Variants in SMG1 observed in about 807,000 individuals in gnomAD.
SMG1 encodes the protein SMG1 nonsense mediated mRNA decay associated PI3K related kinase.
Under a neutral mutation model 419.9 loss-of-function variants are expected in SMG1, and 22 were observed. The ratio of observed to expected loss-of-function variants is 0.05; its 90% CI spans 0.04 to 0.07. The LOEUF is 0.07. Ranked by LOEUF, SMG1 falls within the 10% of genes least tolerant of loss-of-function variation. SMG1 has a pLI of 1.00. For synonymous variants in SMG1, 1,538 were observed against 1,553.5 expected (o/e 0.99, Z 0.23); for missense variants, 3,185 against 4,342.0 (o/e 0.73, Z 7.49).
intron 6 of SMG1, 95 bp from the exon 7 acceptor site, chr16:18,885,761 G>T: frequency 1.8e-6 from 2 of 1,140,306 alleles, no homozygotes; most frequent in Non-Finnish European, 2.5e-6. Context: ...ATAAAAAACT[G>T]AATATGAGAC....
At chr16:18,892,664 C>T (rs1190312927) in intron 3 of SMG1, among the ~76,000 whole-genome samples, 4 of 152,162 alleles carry the variant, frequency 2.6e-5, no homozygotes, top group African/African-American at 4.8e-5. Flanking sequence ...GCCCGTGAGG[C>T]GGAGGTTGCA....
chr16:18,833,248 A>C (rs965817048), intron 50 of SMG1, 82 bp from the exon 51 acceptor site: 7 of 1,016,306 alleles, frequency 6.9e-6, no homozygotes, highest in Non-Finnish European at 8.7e-6. Flanking sequence ...GCCATACATT[A>C]AGAGCAAACT....
At chr16:18,883,684 C>T (rs1459562592) in intron 9 of SMG1, among the ~76,000 whole-genome samples, 1 of 152,080 alleles carries the variant, frequency 6.6e-6, no homozygotes, top group African/African-American at 2.4e-5. Flanking sequence ...TTTGGGAGGC[C>T]GATGCGGGTG....
rs760035598 is a variant in SMG1 at position 18,817,277 on chromosome 16, C to A, written c.10074+14G>T. 3 of 1,587,082 alleles carry A rather than the reference C, an allele frequency of 1.9e-6. No individual in the cohort carries two copies. Among genetic ancestry groups the A allele is most frequent in the Non-Finnish European group, 2.6e-6 (3 of 1,169,416 alleles). Reference sequence around the variant, plus strand: ...TAGCCTTATTTAATCAAGTTTCTTTCCACCAAGACTCACCACTCTCTGTAA... The same window carrying A: ...TAGCCTTATTTAATCAAGTTTCTTTACACCAAGACTCACCACTCTCTGTAA... On this transcript the variant is annotated intron_variant, in intron 57 of 62. Coordinates refer to ENST00000446231, the MANE Select transcript of SMG1 (RefSeq NM_015092.5).
intron 1 of SMG1, among the ~76,000 whole-genome samples, chr16:18,920,705 G>A (rs536336793): frequency 1.3e-5 from 2 of 151,914 alleles, no homozygotes; most frequent in South Asian, 4.2e-4. Context: ...GCTGGGGGTG[G>A]TGACATGCAC....
At position 18,926,222 on chromosome 16, in the gene SMG1, T is replaced by C. The variant is rs1395271476; in HGVS notation, c.-181A>G. ...GGAGGGCGGGGGAAGAGGACGGCCG[T>C]TCCGGGTTCCGCCTGAGCCCGCAGC... On this transcript the variant is annotated 5_prime_UTR_variant, in exon 1 of 63. Transcript: ENST00000446231. The C allele has an allele frequency of 3.5e-6, 2 of 570,156 alleles. No individual in the cohort carries two copies. Among genetic ancestry groups the C allele is most frequent in the African/African-American group, 2.0e-5 (1 of 49,308 alleles). The allele number at this position is 570,156 out of a possible 1,614,324, so 35.3% of individuals were successfully genotyped here. A position where few individuals can be genotyped will look rare whatever the true frequency, so the allele number is the denominator to read the frequency against.
intron 3 of SMG1, among the ~76,000 whole-genome samples, chr16:18,894,555 C>G (rs73541362): frequency 6.6e-6 from 1 of 151,762 alleles, no homozygotes; most frequent in African/African-American, 2.4e-5. Context: ...AACAGCATAG[C>G]CTTTGAATTC....
Position 18,852,115 on chromosome 16 carries a change from T to C in SMG1, c.5004A>G (p.Arg1668=). Residue 1668 remains arginine (R), a synonymous_variant, in exon 33 of 63, where the codon AGA becomes AGG. Transcript: ENST00000446231. ...PDTITEEEKE[R]IYGILGQAVC... The stretch of plus-strand genomic sequence containing the variant: ...CAGCCTGTCCAAGAATACCATATAT[T>C]CTCTCTTTCTCTTCCTCAGTTATAG... 1.2e-6 allele frequency: 2 copies of C among 1,613,696 alleles called. No homozygotes were observed. The highest frequency in any genetic ancestry group is 1.7e-6 in the Non-Finnish European group (2 of 1,179,830).
At position 18,809,264 on chromosome 16, in the gene SMG1, G is replaced by T. The variant is rs1002103982; in HGVS notation, c.*305C>A. 5 of 322,270 alleles carry T rather than the reference G, an allele frequency of 1.6e-5. No homozygotes were observed. Among genetic ancestry groups the T allele is most frequent in the Non-Finnish European group, 3.0e-5 (5 of 165,352 alleles). 20.0% of individuals were successfully genotyped at this position (322,270 alleles called of 1,614,324 possible). A position where few individuals can be genotyped will look rare whatever the true frequency, so the allele number is the denominator to read the frequency against. On this transcript the variant is annotated 3_prime_UTR_variant, in exon 63 of 63. Transcript: ENST00000446231. ...CTCCGCGGCATCCCGATTTCTTTCC[G>T]CAGCTAACCTCCCGACACGTCTGCT... is the stretch of plus-strand genomic sequence containing the variant.
chr16:18,846,965 G>C (rs2034301884), intron 38 of SMG1, among the ~76,000 whole-genome samples: 1 of 152,196 alleles, frequency 6.6e-6, no homozygotes, highest in African/African-American at 2.4e-5. Context: ...CAGCAGCACT[G>C]TTCACAGAGC....
intron 58 of SMG1, 92 bp from the exon 59 acceptor site, chr16:18,815,743 T>A (rs2031943779): frequency 5.6e-6 from 6 of 1,080,470 alleles, no homozygotes; most frequent in Non-Finnish European, 8.0e-6. Flanking sequence ...AACAAATGTT[T>A]CAAATATGAG....
intron 1 of SMG1, among the ~76,000 whole-genome samples, chr16:18,905,933 G>A (rs2037543492): frequency 6.6e-6 from 1 of 151,860 alleles, no homozygotes; most frequent in African/African-American, 2.4e-5. Flanking sequence ...TCTTTAACCA[G>A]CTTAGATTTC....
chr16:18,885,099 G>C lies in SMG1; in HGVS notation c.1012C>G (p.Gln338Glu). The C allele has an allele frequency of 2.3e-6, 2 of 854,448 alleles. No individual in the cohort carries two copies. The highest frequency in any genetic ancestry group is 2.6e-5 in the East Asian group (1 of 39,194). 52.9% of individuals were successfully genotyped at this position (854,448 alleles called of 1,614,324 possible). A position where few individuals can be genotyped will look rare whatever the true frequency, so the allele number is the denominator to read the frequency against. Residue 338 changes from glutamine (Q) to glutamate (E), a missense_variant, in exon 8 of 63, where the codon CAG (glutamine) becomes GAG (glutamate). Coordinates refer to ENST00000446231, the MANE Select transcript of SMG1 (RefSeq NM_015092.5). ...AGGCTGCAAGACTTACCAGATACCT[G>C]CTGCGTGAGCGAAGGTTTCTGAGTA... ...DHTQKPSLTQ[Q>E]VSGWLQSLEP...
chr16:18,906,079 T>C (rs576426026), intron 1 of SMG1, among the ~76,000 whole-genome samples: 51 of 152,142 alleles, frequency 3.4e-4, no homozygotes, highest in Non-Finnish European at 7.2e-4. Context: ...GGTCCTCCAG[T>C]GTTTACTTCC....
At chr16:18,914,508 C>T (rs2141985081) in intron 1 of SMG1, among the ~76,000 whole-genome samples, 1 of 151,886 alleles carries the variant, frequency 6.6e-6, no homozygotes, top group South Asian at 2.1e-4. Context: ...GACGGTGAAA[C>T]CCCATCTCTA....
chr16:18,923,027 A>C (rs1326757296), intron 1 of SMG1, among the ~76,000 whole-genome samples: 1 of 152,148 alleles, frequency 6.6e-6, no homozygotes, highest in Non-Finnish European at 1.5e-5. Flanking sequence ...GCAGTAAGCC[A>C]AGTATCTGTG....
At chr16:18,887,762 T>TAAAAAAAAAAAA (rs57393561) in intron 6 of SMG1, among the ~76,000 whole-genome samples, 2 of 38,286 alleles carry the variant, frequency 5.2e-5, no homozygotes, top group Non-Finnish European at 8.4e-5. Flanking sequence ...TCAAAAACAG[T>TAAAAAAAAAAAA]AAAAAAAAAA....
intron 3 of SMG1, among the ~76,000 whole-genome samples, chr16:18,895,579 G>A (rs954400546): frequency 2.1e-4 from 32 of 151,626 alleles, no homozygotes; most frequent in African/African-American, 7.5e-4. Context: ...TTAATGGATG[G>A]TGGGTTTAAT....
In SMG1 at chr16:18,876,408, A is replaced by T; in HGVS notation, c.1621-15T>A. On this transcript the variant is annotated splice_polypyrimidine_tract_variant and intron_variant, in intron 12 of 62. Coordinates refer to ENST00000446231, the MANE Select transcript of SMG1 (RefSeq NM_015092.5). ...ACAGCAACAACCTGAAAAACAAAAA[A>T]TTCAAGGAAGTGATAAATGGAAAAT... The T allele has an allele frequency of 2.5e-6, 4 of 1,585,282 alleles. No individual in the cohort carries two copies. Among genetic ancestry groups the T allele is most frequent in the Non-Finnish European group, 3.4e-6 (4 of 1,165,316 alleles).
Sources: gnomAD v4.1 joint callset for allele counts (sites outside exome capture counted in the v4.1 genomes callset) on GRCh38, gnomAD v4.1.1 for gene constraint, MANE v1.5 for transcripts, NCBI Gene and HGNC (gene_info 2026-07-23, HGNC 2026-07-21) for gene names.